The following HMCN1 variants were observed in gnomAD, a reference collection of about 807,000 sequenced individuals.
The protein encoded by HMCN1 is hemicentin 1, also known as hemicentin-1.
In HMCN1, 321 loss-of-function variants were observed where a neutral mutation model predicts 625.9. That is an observed-to-expected ratio of 0.51 (90% CI 0.47 to 0.56). HMCN1 has a LOEUF of 0.56. Among genes scored for constraint, HMCN1 ranks in the 20% least tolerant of loss-of-function variants. The pLI is 0.00. For missense variants in HMCN1, 6,588 were observed against 6,887.3 expected (o/e 0.96, Z 1.54); for synonymous variants, 2,425 against 2,417.6 (o/e 1.00, Z -0.09).
intron 11 of HMCN1, among the ~76,000 whole-genome samples, chr1:185,958,427 G>A (rs1649774618): frequency 6.6e-6 from 1 of 152,090 alleles, no homozygotes; most frequent in African/African-American, 2.4e-5. Flanking sequence ...GCTGAAATAG[G>A]ATATATAATC....
At chr1:186,040,894 G>GA (rs2102234892) in intron 39 of HMCN1, 119 bp from the exon 40 acceptor site, 2 of 1,074,986 alleles carry the variant, frequency 1.9e-6, no homozygotes, top group African/African-American at 1.6e-5. Flanking sequence ...ATGTCCAAGG[G>GA]AAAATCTTCC....
intron 14 of HMCN1, among the ~76,000 whole-genome samples, chr1:185,968,162 A>C (rs1650554107): frequency 6.6e-6 from 1 of 152,148 alleles, no homozygotes; most frequent in South Asian, 2.1e-4. Context: ...AATTATTTTC[A>C]TAATAATACT....
At chr1:185,804,625 A>G (rs188089593) in intron 1 of HMCN1, among the ~76,000 whole-genome samples, 136 of 152,186 alleles carry the variant, frequency 8.9e-4, no homozygotes, top group African/African-American at 3.1e-3. Context: ...TCTTTTTAAA[A>G]CGAGTTCTTT....
At chr1:186,163,402 G>A (rs1651657293) in intron 97 of HMCN1, among the ~76,000 whole-genome samples, 1 of 152,050 alleles carries the variant, frequency 6.6e-6, no homozygotes, top group Non-Finnish European at 1.5e-5. Flanking sequence ...CACGCACGGT[G>A]CGCTGCACCC....
intron 54 of HMCN1, among the ~76,000 whole-genome samples, chr1:186,076,997 TATC>T (rs927091945): frequency 3.9e-5 from 6 of 152,312 alleles, no homozygotes; most frequent in South Asian, 2.1e-4. Context: ...TAAATGCACT[TATC>T]ATAAATAAAT....
At chr1:186,027,460 AC>A (rs1272315841) in intron 36 of HMCN1, among the ~76,000 whole-genome samples, 1 of 152,210 alleles carries the variant, frequency 6.6e-6, no homozygotes, top group Non-Finnish European at 1.5e-5. Context: ...AAGGTGAAAC[AC>A]CCAGAAAAAG....
chr1:185,763,229 G>A (rs567037296), intron 1 of HMCN1, among the ~76,000 whole-genome samples: 14 of 152,236 alleles, frequency 9.2e-5, no homozygotes, highest in African/African-American at 2.9e-4. Flanking sequence ...AGCAGACACC[G>A]GAGAAACAAC....
chr1:185,922,413 C>G lies in HMCN1; in HGVS notation c.935C>G (p.Thr312Ser), dbSNP rs780675662. The G allele has an allele frequency of 6.8e-6, 11 of 1,613,538 alleles. No individual in the cohort carries two copies. In the East Asian group the frequency reaches 2.2e-4, roughly 33 times the overall value. ...SSSGRHSVRI[T>S]GLSTIDFRAG... ...AGTGGAAGGCACTCTGTTCGCATTACTGGCCTCAGTACTATTGATTTCCGA... is the reference window on the plus strand; with the variant it reads ...AGTGGAAGGCACTCTGTTCGCATTAGTGGCCTCAGTACTATTGATTTCCGA... The change falls in exon 7 of 107, where the codon ACT becomes AGT. Residue 312 changes from threonine (T) to serine (S), a missense_variant. Thr to Ser is a moderately conservative substitution (Grantham distance 58). Transcript: ENST00000271588.
intron 1 of HMCN1, among the ~76,000 whole-genome samples, chr1:185,808,167 G>A (rs1003252772): frequency 4.6e-5 from 7 of 152,036 alleles, no homozygotes; most frequent in Non-Finnish European, 8.8e-5. Flanking sequence ...CCAATATGGC[G>A]AAACGCTGTC....
chr1:186,142,546 G>C (rs539014906), intron 89 of HMCN1, among the ~76,000 whole-genome samples: 2 of 152,226 alleles, frequency 1.3e-5, no homozygotes, highest in African/African-American at 2.4e-5. Context: ...AGGGTCAAAT[G>C]GTAGTTGTGT....
chr1:186,007,378 A>G, intron 30 of HMCN1, 96 bp downstream of exon 30: 1 of 1,116,828 alleles, frequency 9.0e-7, no homozygotes, highest in African/African-American at 1.5e-5. Flanking sequence ...CATACTGAAT[A>G]ATTTGGAATA....
In HMCN1 at chr1:186,055,674, G is replaced by A. The variant is rs1325343290; in HGVS notation, c.7144G>A (p.Ala2382Thr). 2.5e-6 allele frequency: 4 copies of A among 1,612,242 alleles called. No individual in the cohort carries two copies. The African/African-American group carries it at 4.0e-5, about 16-fold the overall frequency. Residue 2382 changes from alanine (A) to threonine (T), a missense_variant and splice_region_variant, in exon 45 of 107, where the codon GCT becomes ACT. Physicochemically the swap from Ala to Thr is moderately conservative, Grantham distance 58. Transcript: ENST00000271588. ...TDKKYDLSVH[A>T]PPSIIGNHRS... ...CAAAAAATATGACTTAAGTGTCCAT[G>A]GTAAGTAGAAAGAGGCTCAATATGT...
At chr1:185,999,580 A>C (rs1254004708) in intron 25 of HMCN1, among the ~76,000 whole-genome samples, 1 of 152,134 alleles carries the variant, frequency 6.6e-6, no homozygotes, top group Non-Finnish European at 1.5e-5. Flanking sequence ...CCTTTTTAAA[A>C]AAGGGAATTA....
chr1:185,743,633 A>G (rs1362477069), intron 1 of HMCN1, among the ~76,000 whole-genome samples: 2 of 152,260 alleles, frequency 1.3e-5, no homozygotes, highest in Non-Finnish European at 2.9e-5. Flanking sequence ...TCACAAATCT[A>G]CAGGGATTCT....
intron 1 of HMCN1, among the ~76,000 whole-genome samples, chr1:185,739,423 C>G (rs1653823523): frequency 6.6e-6 from 1 of 152,154 alleles, no homozygotes; most frequent in African/African-American, 2.4e-5. Context: ...GAGGGCTGAT[C>G]ATCTCTCTTT....
rs755499454 is a variant in HMCN1, at chr1:186,067,836, T to C, written c.7708T>C (p.Ser2570Pro). ...CAACAAATTTTCATCTTTTTCAGTA[T>C]CTCCTACAATTGCTGGTGTAGGTAG... The part of the protein sequence containing the change: ...SRSFSLNVFV[S>P]PTIAGVGSDG... Residue 2570 changes from serine (S) to proline (P), a missense_variant and splice_region_variant, in exon 50 of 107, where the codon TCT becomes CCT. Coordinates refer to ENST00000271588, the MANE Select transcript of HMCN1 (RefSeq NM_031935.3). 1 of 1,603,520 alleles carries C rather than the reference T, an allele frequency of 6.2e-7. No individual in the cohort carries two copies. The highest frequency in any genetic ancestry group is 1.7e-4 in the Middle Eastern group (1 of 6,036).
intron 4 of HMCN1, among the ~76,000 whole-genome samples, chr1:185,902,563 C>G (rs1665877741): frequency 6.6e-6 from 1 of 151,502 alleles, no homozygotes; most frequent in Non-Finnish European, 1.5e-5. Flanking sequence ...ACTACTATAC[C>G]TGTATACCTT....
intron 19 of HMCN1, among the ~76,000 whole-genome samples, chr1:185,985,675 A>T (rs1651958697): frequency 6.6e-6 from 1 of 152,218 alleles, no homozygotes; most frequent in African/African-American, 2.4e-5. Flanking sequence ...AAATTAGTGC[A>T]GCCATTTGGC....
rs1232932920 is a variant in HMCN1, at chr1:186,119,269, C to T, written c.11927C>T (p.Ala3976Val). The T allele has an allele frequency of 1.2e-6, 2 of 1,613,712 alleles. No homozygotes were observed. Among genetic ancestry groups the T allele is most frequent in the East Asian group, 4.5e-5 (2 of 44,878 alleles). Residue 3976 changes from alanine (A) to valine (V), a missense_variant, in exon 78 of 107, where the codon GCA becomes GTA. Ala to Val is a moderately conservative substitution (Grantham distance 64, BLOSUM62 0). Coordinates refer to ENST00000271588, the MANE Select transcript of HMCN1 (RefSeq NM_031935.3). ...GTCGCTAGGAATGCGGCTGGCTCTGCACATCGACACGTGACCCTTCATGTT... is the reference window on the plus strand; with the variant it reads ...GTCGCTAGGAATGCGGCTGGCTCTGTACATCGACACGTGACCCTTCATGTT... ...TCVARNAAGSAHRHVTLHVHE... is the reference protein window; with the variant it reads ...TCVARNAAGSVHRHVTLHVHE...
Sources: gnomAD v4.1 joint callset for allele counts (sites outside exome capture counted in the v4.1 genomes callset) on GRCh38, gnomAD v4.1.1 for gene constraint, MANE v1.5 for transcripts, NCBI Gene and HGNC (gene_info 2026-07-23, HGNC 2026-07-21) for gene names.